The following RIOK2 variants were observed in gnomAD, a reference collection of about 807,000 sequenced individuals.
RIOK2 encodes the protein RIO kinase 2.
RIOK2 carries 46 observed loss-of-function variants against 62.4 expected under a neutral mutation model. That is an observed-to-expected ratio of 0.74 (90% confidence interval 0.58 to 0.94). The LOEUF (loss-of-function observed/expected upper bound fraction) is 0.94, where lower values mean the gene tolerates loss of function less well. Among genes scored for constraint, RIOK2 ranks in the 40% least tolerant of loss-of-function variants. The probability of loss-of-function intolerance (pLI) is 0.00; values close to 1 mark genes in which losing one functional copy is unlikely to be tolerated. For missense variants in RIOK2, 574 were observed against 658.0 expected (o/e 0.87, Z 1.40); for synonymous variants, 197 against 216.0 (o/e 0.91, Z 0.77).
Position 97,165,156 on chromosome 5 carries a change from A to G in RIOK2, c.1398-9T>C. ...CCACATTTTCTTCATCTCTAAAATT[A>G]AAAAACCCACAATTTATCTAGTTAA... On this transcript the variant is annotated splice_polypyrimidine_tract_variant and intron_variant, in intron 8 of 9. Coordinates refer to ENST00000283109, the MANE Select transcript of RIOK2 (RefSeq NM_018343.3). 1 of 1,344,040 alleles carries G rather than the reference A, an allele frequency of 7.4e-7. No individual in the cohort carries two copies. Among genetic ancestry groups the G allele is most frequent in the Admixed American group, 2.7e-5 (1 of 37,440 alleles). 83.3% of individuals were successfully genotyped at this position (1,344,040 alleles called of 1,614,324 possible).
chr5:97,167,509 AG>A lies in RIOK2; in HGVS notation c.1354del (p.Leu452Ter), dbSNP rs745526461. 8 of 1,614,206 alleles carry A rather than the reference AG, an allele frequency of 5.0e-6. No individual in the cohort carries two copies. The South Asian group carries it at 8.8e-5, about 18-fold the overall frequency. ...TCTATTTAATGACGACAAGGCAATT[AG>A]ATGAGGGCATTCATCTTCATACTCG... is the stretch of plus-strand genomic sequence containing the variant. ...SDEYEDECPH[L>X]IALSSLNREF... On this transcript the variant is annotated frameshift_variant, in exon 8 of 10. Coordinates refer to ENST00000283109, the MANE Select transcript of RIOK2 (RefSeq NM_018343.3). LOFTEE classifies it high-confidence loss of function.
Position 97,167,903 on chromosome 5 carries a change from G to T in RIOK2, c.961C>A (p.Pro321Thr), listed in dbSNP as rs753268845. The T allele has an allele frequency of 4.3e-6, 7 of 1,612,018 alleles. No homozygotes were observed. In the Admixed American group the frequency reaches 5.0e-5, roughly 12 times the overall value. ...ADDELLHPLG[P>T]DDKNIETKEG... The stretch of plus-strand genomic sequence containing the variant: ...TTTGTTTCAATATTTTTATCATCTG[G>T]ACCTAATGGATGAAGCAGTTCATCA... Residue 321 changes from proline (P) to threonine (T), a missense_variant, in exon 8 of 10, where the codon CCA (proline) becomes ACA (threonine). Coordinates refer to ENST00000283109, the MANE Select transcript of RIOK2 (RefSeq NM_018343.3).
intron 6 of RIOK2, among the ~76,000 whole-genome samples, chr5:97,170,971 T>C (rs1262826684): frequency 7.4e-6 from 1 of 135,804 alleles, no homozygotes; most frequent in African/African-American, 2.8e-5. Context: ...CTGACCAACA[T>C]GGAGAAACCC....
At chr5:97,167,288 T>C in intron 8 of RIOK2, 179 bp downstream of exon 8, 3 of 1,439,518 alleles carry the variant, frequency 2.1e-6, no homozygotes, top group Non-Finnish European at 2.7e-6. Context: ...ATCAGGTCAA[T>C]TGAAAAGGAA....
intron 8 of RIOK2, 123 bp from the exon 9 acceptor site, chr5:97,165,270 CATT>C (rs1246366195): frequency 7.0e-6 from 3 of 431,238 alleles, no homozygotes; most frequent in African/African-American, 4.1e-5. Context: ...TCAGAAAGAT[CATT>C]ATATTTTAAA....
chr5:97,168,706 C>T (rs1580268179), intron 7 of RIOK2, 54 bp downstream of exon 7: 1 of 1,097,928 alleles, frequency 9.1e-7, no homozygotes, highest in South Asian at 1.8e-5. Context: ...TTTAGAAATA[C>T]ACAGACCAGA....
Position 97,162,960 on chromosome 5 carries a change from A to T in RIOK2, c.*101T>A. The T allele has an allele frequency of 1.1e-6, 1 of 949,364 alleles. No individual in the cohort carries two copies. Among genetic ancestry groups the T allele is most frequent in the Middle Eastern group, 3.4e-4 (1 of 2,970 alleles). The allele number at this position is 949,364 out of a possible 1,614,324, so 58.8% of individuals were successfully genotyped here. ...ATAGATGAAAGAGGGTTTATTTATT[A>T]ATATATGATAGCCTTGGCTCAAAAA... On this transcript the variant is annotated 3_prime_UTR_variant, in exon 10 of 10. Transcript: ENST00000283109.
chr5:97,182,787 G>GT (rs1273913896), intron 1 of RIOK2: 2 of 228,626 alleles, frequency 8.7e-6, no homozygotes, highest in South Asian at 5.1e-5. Context: ...TCGGGGGGGG[G>GT]GGGGGGCTTA....
intron 9 of RIOK2, among the ~76,000 whole-genome samples, chr5:97,164,274 G>A (rs1192524071): frequency 1.3e-5 from 2 of 151,942 alleles, no homozygotes; most frequent in Admixed American, 6.5e-5. Flanking sequence ...GCTGAGGTGG[G>A]TGGATCACCT....
Position 97,168,828 on chromosome 5 carries a change from G to T in RIOK2, c.804C>A (p.Cys268Ter), listed in dbSNP as rs769848230. 5 of 1,595,242 alleles carry T rather than the reference G, an allele frequency of 3.1e-6. No homozygotes were observed. The African/African-American group carries it at 5.4e-5, about 17-fold the overall frequency. Residue 268 changes from cysteine (C) to a stop codon, truncating the protein, a stop_gained, in exon 7 of 10, where the codon TGC (cysteine) becomes TGA (stop). Transcript: ENST00000283109. LOFTEE classifies it high-confidence loss of function. ...AEWYFDRDVK[C>*]IKDFFMKRFS... is the part of the protein sequence containing the mutation. ...AACGTTTCATAAAGAAATCTTTAAT[G>T]CATTTAACATCTCTGTCAAAATACC...
intron 7 of RIOK2, 67 bp from the exon 8 acceptor site, chr5:97,168,058 A>G: frequency 1.4e-6 from 2 of 1,420,918 alleles, no homozygotes; most frequent in South Asian, 2.9e-5. Context: ...GCAAATATCT[A>G]CTACTCTGAT....
chr5:97,168,204 T>C (rs1195746516), intron 7 of RIOK2, among the ~76,000 whole-genome samples: 1 of 152,166 alleles, frequency 6.6e-6, no homozygotes, highest in Non-Finnish European at 1.5e-5. Flanking sequence ...ATAAAATAAC[T>C]GAAAAGCAAC....
chr5:97,169,468 T>C (rs1748936518), intron 6 of RIOK2, among the ~76,000 whole-genome samples: 1 of 152,182 alleles, frequency 6.6e-6, no homozygotes, highest in Non-Finnish European at 1.5e-5. Flanking sequence ...TCAGGCTGCC[T>C]TTTTGGGCCA....
chr5:97,166,752 A>G, intron 8 of RIOK2: 4 of 985,880 alleles, frequency 4.1e-6, no homozygotes, highest in Non-Finnish European at 4.8e-6. Flanking sequence ...GATGTTTCAT[A>G]TAGAAAGTAC....
chr5:97,165,192 G>A (rs774112967), intron 8 of RIOK2, 45 bp from the exon 9 acceptor site: 15 of 935,456 alleles, frequency 1.6e-5, no homozygotes, highest in South Asian at 1.2e-4. Context: ...TTTGTATAAT[G>A]TAATGAATCC....
Position 97,183,193 on chromosome 5 carries a change from G to A in RIOK2, c.-2C>T. 1 of 1,614,148 alleles carries A rather than the reference G, an allele frequency of 6.2e-7. No homozygotes were observed. Among genetic ancestry groups the A allele is most frequent in the East Asian group, 2.2e-5 (1 of 44,866 alleles). ...CTTGGCCACATTCACTTTCCCCATG[G>A]CGGCCCCAGTCCGAACCCAGATGCC... On this transcript the variant is annotated 5_prime_UTR_variant, in exon 1 of 10. Transcript: ENST00000283109.
rs1295740596 is a variant in RIOK2 at position 97,162,798 on chromosome 5, GTTAT to G, written c.*259_*262del. On this transcript the variant is annotated 3_prime_UTR_variant, in exon 10 of 10. Transcript: ENST00000283109. ...TCAACAAACAGAAAACAACAAAAAT[GTTAT>G]TTAGATTTTTAAAAATATGCAAATG... 2.8e-5 allele frequency: 10 copies of G among 359,050 alleles called. No individual in the cohort carries two copies. Among genetic ancestry groups the G allele is most frequent in the South Asian group, 1.8e-4 (4 of 22,236 alleles). 22.2% of individuals were successfully genotyped at this position (359,050 alleles called of 1,614,324 possible).
chr5:97,165,913 G>A (rs1441197145), intron 8 of RIOK2, among the ~76,000 whole-genome samples: 3 of 152,228 alleles, frequency 2.0e-5, no homozygotes, highest in African/African-American at 7.2e-5. Flanking sequence ...GGGCGTTTCT[G>A]AATCAATAAA....
At chr5:97,175,339 T>C (rs897967290) in intron 4 of RIOK2, among the ~76,000 whole-genome samples, 4 of 152,220 alleles carry the variant, frequency 2.6e-5, no homozygotes, top group Admixed American at 1.3e-4. Flanking sequence ...TAGCACGTGA[T>C]AAACTTAAAG....
Sources: allele counts gnomAD v4.1 joint callset (sites outside exome capture counted in the v4.1 genomes callset), GRCh38; gene constraint gnomAD v4.1.1; transcripts MANE v1.5; gene names NCBI Gene and HGNC (gene_info 2026-07-23, HGNC 2026-07-21).